POC1A: variants seen among roughly 807,000 people sequenced by gnomAD.
POC1A encodes the protein POC1 centriolar protein homolog A.
In POC1A, 34 loss-of-function variants were observed where a neutral mutation model predicts 47.8. The ratio of observed to expected loss-of-function variants is 0.71; its 90% CI spans 0.54 to 0.95. POC1A has a LOEUF of 0.95. POC1A is among the 40% of genes least tolerant of loss of function. POC1A has a pLI of 0.00. For missense variants in POC1A, 466 were observed against 528.3 expected (o/e 0.88, Z 1.16); for synonymous variants, 177 against 207.6 (o/e 0.85, Z 1.27).
chr3:52,088,988 G>C (rs890644431), intron 10 of POC1A, among the ~76,000 whole-genome samples: 4 of 151,090 alleles, frequency 2.6e-5, no homozygotes, highest in Non-Finnish European at 5.9e-5. Context: ...AGCCCATCTG[G>C]CAGGCAGGGG....
At chr3:52,123,186 C>A (rs955724451) in intron 8 of POC1A, among the ~76,000 whole-genome samples, 5 of 152,234 alleles carry the variant, frequency 3.3e-5, no homozygotes, top group African/African-American at 1.2e-4. Context: ...ACTCGTCATC[C>A]CAAGGCTAAC....
intron 9 of POC1A, among the ~76,000 whole-genome samples, chr3:52,098,092 T>A (rs1206982928): frequency 2.0e-5 from 3 of 152,202 alleles, no homozygotes; most frequent in African/African-American, 4.8e-5. Flanking sequence ...CATTTCCTCA[T>A]CTATAAAATA....
chr3:52,121,490 G>C (rs1300027330), intron 9 of POC1A, among the ~76,000 whole-genome samples: 1 of 152,222 alleles, frequency 6.6e-6, no homozygotes, highest in Admixed American at 6.5e-5. Context: ...ACAAAACGGG[G>C]GCATGTGTGT....
chr3:52,127,849 C>T (rs1704067774), intron 7 of POC1A, among the ~76,000 whole-genome samples: 1 of 152,094 alleles, frequency 6.6e-6, no homozygotes, highest in African/African-American at 2.4e-5. Context: ...GCACCCTCCA[C>T]CACACCCGGC....
At chr3:52,109,046 A>G (rs1241025661) in intron 9 of POC1A, among the ~76,000 whole-genome samples, 1 of 152,162 alleles carries the variant, frequency 6.6e-6, no homozygotes, top group Admixed American at 6.5e-5. Flanking sequence ...CCCTTCCCCA[A>G]GCCCAAGACA....
Position 52,149,287 on chromosome 3 carries a change from T to G in POC1A, c.378A>C (p.Thr126=). 1 of 1,614,194 alleles carries G rather than the reference T, an allele frequency of 6.2e-7. No individual in the cohort carries two copies. Among genetic ancestry groups the G allele is most frequent in the Admixed American group, 1.7e-5 (1 of 60,026 alleles). Reference sequence around the variant, plus strand: ...GGCGATGAGTTGCCCACACTTTGACTGTCTTGTCGTCAGAGGCTGTCACGA... The same window carrying G: ...GGCGATGAGTTGCCCACACTTTGACGGTCTTGTCGTCAGAGGCTGTCACGA... ...QSFVTASDDK[T]VKVWATHRQK... Residue 126 remains threonine (T), a synonymous_variant, in exon 4 of 11, where the codon ACA becomes ACC. Coordinates refer to ENST00000296484, the MANE Select transcript of POC1A (RefSeq NM_015426.5).
chr3:52,154,015 C>G (rs1014408182), intron 1 of POC1A, among the ~76,000 whole-genome samples: 1 of 152,254 alleles, frequency 6.6e-6, no homozygotes, highest in Non-Finnish European at 1.5e-5. Flanking sequence ...ACGCAGCCAC[C>G]CACTGCTAAG....
At position 52,079,189 on chromosome 3, in the gene POC1A, GCA is replaced by G. The variant is rs1702209405; in HGVS notation, c.1126-3206_1126-3205del. On this transcript the variant is annotated intron_variant, in intron 10 of 10. Transcript: ENST00000296484. The surrounding 1 kb of genome is among the most constrained non-coding windows in gnomAD (Gnocchi z 4.6). ...CCTGTCGGTTCACAACAAAAAGTAAGCACATCCCCACATACCCATACGAGGGT... is the reference window on the plus strand; with the variant it reads ...CCTGTCGGTTCACAACAAAAAGTAAGCATCCCCACATACCCATACGAGGGT... Among the ~76,000 whole-genome samples, 1 of 152,230 alleles carries G rather than the reference GCA, an allele frequency of 6.6e-6. No homozygotes were observed. The highest frequency in any genetic ancestry group is 1.5e-5 in the Non-Finnish European group (1 of 68,042).
At position 52,077,433 on chromosome 3, in the gene POC1A, C is replaced by T. The variant is rs569253711; in HGVS notation, c.1126-1448G>A. Among the ~76,000 whole-genome samples, 8 of 152,348 alleles carry T rather than the reference C, an allele frequency of 5.3e-5. No homozygotes were observed. In the South Asian group the frequency reaches 1.4e-3, roughly 28 times the overall value. On this transcript the variant is annotated intron_variant, in intron 10 of 10. Coordinates refer to ENST00000296484, the MANE Select transcript of POC1A (RefSeq NM_015426.5). The stretch of plus-strand genomic sequence containing the variant: ...ACATTAGCTGCCATGGAGGGTGCTC[C>T]GCCTGGTGGCTGGCCCCTTCTAAAT...
chr3:52,154,414 C>G lies in POC1A; in HGVS notation c.-42G>C. On this transcript the variant is annotated 5_prime_UTR_variant, in exon 1 of 11. Coordinates refer to ENST00000296484, the MANE Select transcript of POC1A (RefSeq NM_015426.5). ...CCGAAGGCAGCTGCGGTGGCCGTTG[C>G]GGCCCGTTCAGTTTCCGCGCCCCCA... 7.1e-7 allele frequency: 1 copy of G among 1,414,196 alleles called. No individual in the cohort carries two copies. Among genetic ancestry groups the G allele is most frequent in the South Asian group, 1.5e-5 (1 of 68,348 alleles). The allele number at this position is 1,414,196 out of a possible 1,614,324, so 87.6% of individuals were successfully genotyped here.
At chr3:52,117,914 G>C (rs1029466112) in intron 9 of POC1A, among the ~76,000 whole-genome samples, 1 of 152,234 alleles carries the variant, frequency 6.6e-6, no homozygotes, top group African/African-American at 2.4e-5. Flanking sequence ...GCAGGGGTTT[G>C]GGAGGTGTTA....
intron 9 of POC1A, among the ~76,000 whole-genome samples, chr3:52,117,710 G>A (rs1703618749): frequency 6.6e-6 from 1 of 151,652 alleles, no homozygotes; most frequent in African/African-American, 2.4e-5. Context: ...TTTTCCTCCC[G>A]TTTCACTGAA....
chr3:52,119,004 G>GT (rs10662992), intron 9 of POC1A, among the ~76,000 whole-genome samples: 84 of 146,672 alleles, frequency 5.7e-4, no homozygotes, highest in South Asian at 1.7e-3. Context: ...AAGGCAAAAG[G>GT]TTTTTTTTTT....
chr3:52,119,004 G>GTT (rs10662992), intron 9 of POC1A, among the ~76,000 whole-genome samples: 23 of 146,808 alleles, frequency 1.6e-4, no homozygotes, highest in Admixed American at 2.0e-4. Context: ...AAGGCAAAAG[G>GTT]TTTTTTTTTT....
Position 52,138,316 on chromosome 3 carries a change from A to G in POC1A, c.680-14T>C, listed in dbSNP as rs756490189. The G allele has an allele frequency of 1.9e-6, 3 of 1,606,624 alleles. No homozygotes were observed. The highest frequency in any genetic ancestry group is 2.6e-6 in the Non-Finnish European group (3 of 1,176,252). On this transcript the variant is annotated splice_polypyrimidine_tract_variant and intron_variant, in intron 6 of 10. Coordinates refer to ENST00000296484, the MANE Select transcript of POC1A (RefSeq NM_015426.5). ...CTGCACTGTGCACTGGGGGAAGGAC[A>G]TCAGTCAGGTGCTGGCTAGGAGGCA...
At chr3:52,152,295 C>G (rs1273766348) in intron 1 of POC1A, among the ~76,000 whole-genome samples, 4 of 151,672 alleles carry the variant, frequency 2.6e-5, no homozygotes, top group African/African-American at 9.7e-5. Context: ...GTTAGCCGGG[C>G]ACAGTGGCTC....
intron 10 of POC1A, among the ~76,000 whole-genome samples, chr3:52,081,561 C>G (rs1237705098): frequency 6.6e-6 from 1 of 152,162 alleles, no homozygotes; most frequent in East Asian, 1.9e-4. Context: ...TGTGCAAAGG[C>G]CCTGAGCTGG....
At position 52,084,868 on chromosome 3, in the gene POC1A, C is replaced by T. The variant is rs1702408375; in HGVS notation, c.1126-8883G>A. 6.6e-6 allele frequency among the ~76,000 whole-genome samples: 1 copy of T among 152,210 alleles called. No homozygotes were observed. The highest frequency in any genetic ancestry group is 2.1e-4 in the South Asian group (1 of 4,838). On this transcript the variant is annotated intron_variant, in intron 10 of 10. Coordinates refer to ENST00000296484, the MANE Select transcript of POC1A (RefSeq NM_015426.5). The surrounding 1 kb of genome is among the most constrained non-coding windows in gnomAD (Gnocchi z 4.3). ...ATGGAGGTGGACAGGGTGGTTGGGC[C>T]AGACTGATGGGTGAAGGCGGAGCCA...
At chr3:52,138,922 C>T (rs1263759960) in intron 6 of POC1A, among the ~76,000 whole-genome samples, 1 of 152,196 alleles carries the variant, frequency 6.6e-6, no homozygotes, top group African/African-American at 2.4e-5. Flanking sequence ...CAGCCTCCGT[C>T]TCCTGGGTTC....
Sources: allele counts gnomAD v4.1 joint callset (sites outside exome capture counted in the v4.1 genomes callset), GRCh38; gene constraint gnomAD v4.1.1; non-coding constraint Gnocchi (gnomAD v3.1); transcripts MANE v1.5; gene names NCBI Gene and HGNC (gene_info 2026-07-23, HGNC 2026-07-21).